Variants in NSD1 observed in about 807,000 individuals in gnomAD.
The protein encoded by NSD1 is nuclear receptor binding SET domain protein 1.
In NSD1, 26 loss-of-function variants were observed where a neutral mutation model predicts 242.7. The observed-to-expected ratio is 0.11, with a 90% CI of 0.08 to 0.15. The LOEUF (loss-of-function observed/expected upper bound fraction) is 0.15. Ranked by LOEUF, NSD1 falls within the 10% of genes least tolerant of loss-of-function variation. NSD1 has a pLI of 1.00. For missense variants in NSD1, 2,495 were observed against 3,272.8 expected (o/e 0.76, Z 5.80); for synonymous variants, 1,106 against 1,178.1 (o/e 0.94, Z 1.25).
chr5:177,295,091 G>C lies in NSD1; in HGVS notation c.7723G>C (p.Gly2575Arg), dbSNP rs1046932951. 1 of 1,611,660 alleles carries C rather than the reference G, an allele frequency of 6.2e-7. No homozygotes were observed. The highest frequency in any genetic ancestry group is 8.5e-7 in the Non-Finnish European group (1 of 1,178,462). The change falls in exon 23 of 23, where the codon GGC becomes CGC. Residue 2575 changes from glycine (G) to arginine (R), a missense_variant. Physicochemically the swap from Gly to Arg is moderately radical, Grantham distance 125 (BLOSUM62 -2). Around this residue, in one of 19 missense-constraint regions of NSD1, gnomAD observed 475 missense variants for 563.7 expected, o/e 0.84. Transcript: ENST00000439151. This position sits in a 1 kb window ranked among gnomAD's most constrained non-coding sequence, Gnocchi z 4.3. ...QTPGPLSQSP[G>R]LVKQAKQMVG... ...CCCAGGGCCTCTTAGCCAATCCCCG[G>C]GCCTGGTGAAGCAGGCGAAGCAGAT...
chr5:177,288,984 G>C, intron 21 of NSD1, 59 bp downstream of exon 21: 8 of 1,113,930 alleles, frequency 7.2e-6, no homozygotes, highest in Non-Finnish European at 1.1e-5. Context: ...CTCCCTAACA[G>C]TGTTAGGGCA....
chr5:177,300,054 CGCG>C lies in NSD1; in HGVS notation c.*4596_*4598del. The C allele has an allele frequency of 1.3e-5, 2 of 149,998 alleles. No homozygotes were observed. Among genetic ancestry groups the C allele is most frequent in the Middle Eastern group, 1.7e-3 (1 of 600 alleles). The allele number at this position is 149,998 out of a possible 1,614,324, so 9.3% of individuals were successfully genotyped here. A position where few individuals can be genotyped will look rare whatever the true frequency, so the allele number is the denominator to read the frequency against. ...CCAAGGTCCATCATTGCTTTTTTGC[CGCG>C]CCCCCCCCCCCCCGCCCCCATAGAT... is the stretch of plus-strand genomic sequence containing the variant. On this transcript the variant is annotated 3_prime_UTR_variant, in exon 23 of 23. Coordinates refer to ENST00000439151, the MANE Select transcript of NSD1 (RefSeq NM_022455.5).
In NSD1 at chr5:177,295,753, CT is replaced by C. The variant is rs1012374195; in HGVS notation, c.*295del. 1.9e-6 allele frequency: 1 copy of C among 519,696 alleles called. No individual in the cohort carries two copies. The highest frequency in any genetic ancestry group is 1.9e-5 in the African/African-American group (1 of 52,534). 32.2% of individuals were successfully genotyped at this position (519,696 alleles called of 1,614,324 possible). On this transcript the variant is annotated 3_prime_UTR_variant, in exon 23 of 23. Coordinates refer to ENST00000439151, the MANE Select transcript of NSD1 (RefSeq NM_022455.5). This position sits in a 1 kb window ranked among gnomAD's most constrained non-coding sequence, Gnocchi z 4.3. ...GTCATCGTGAAATAAAAAGTCCACT[CT>C]GGAGTCAAGTATGGAATTCAATTCC... is the stretch of plus-strand genomic sequence containing the variant.
At chr5:177,182,607 C>T (rs1035716090) in intron 2 of NSD1, among the ~76,000 whole-genome samples, 22 of 151,038 alleles carry the variant, frequency 1.5e-4, no homozygotes, top group African/African-American at 5.1e-4. Context: ...CCCCTCCCTT[C>T]CCCTCCCCTC....
At chr5:177,148,316 C>T (rs143799488) in intron 2 of NSD1, among the ~76,000 whole-genome samples, 3,872 of 152,260 alleles carry the variant, frequency 0.025, 50 homozygotes, top group African/African-American at 0.029. Context: ...TGGGGTTTCA[C>T]TGTGTTTGCC....
intron 10 of NSD1, 101 bp from the exon 11 acceptor site, chr5:177,248,080 G>A (rs990841961): frequency 6.4e-7 from 1 of 1,563,224 alleles, no homozygotes. Context: ...CTGAACATCT[G>A]TAAGTGCTTA....
intron 5 of NSD1, among the ~76,000 whole-genome samples, chr5:177,217,393 T>C (rs1328571925): frequency 2.6e-5 from 4 of 152,140 alleles, no homozygotes; most frequent in Admixed American, 6.6e-5. Flanking sequence ...GTGGAATCTT[T>C]AGGGTTTCCT....
chr5:177,181,426 G>GTTTTTTTTTTTTTTTTTTTTTTTT (rs1554183364), intron 2 of NSD1, among the ~76,000 whole-genome samples: 1 of 119,776 alleles, frequency 8.3e-6, no homozygotes. Context: ...GTTTTTTTTT[G>GTTTTTTTTTTTTTTTTTTTTTTTT]GTTTTTTTTT....
intron 2 of NSD1, among the ~76,000 whole-genome samples, chr5:177,157,244 T>C (rs1365049599): frequency 1.3e-5 from 2 of 151,904 alleles, no homozygotes; most frequent in African/African-American, 4.8e-5. Flanking sequence ...CGCATGGCTG[T>C]AATCCCAGCT....
chr5:177,289,600 CT>C (rs1250207314), intron 21 of NSD1, among the ~76,000 whole-genome samples: 2 of 152,110 alleles, frequency 1.3e-5, no homozygotes. Flanking sequence ...CTTTCTCTCA[CT>C]TTCTCTTTCT....
intron 21 of NSD1, 137 bp downstream of exon 21, chr5:177,289,062 G>A (rs200251235): frequency 1.4e-6 from 1 of 713,844 alleles, no homozygotes; most frequent in South Asian, 1.5e-5. Context: ...GCTCATGCCT[G>A]TAATCCCAGC....
In NSD1 at chr5:177,210,237, T is replaced by C. The variant is rs1763226301; in HGVS notation, c.1838T>C (p.Leu613Pro). Residue 613 changes from leucine to proline, a missense_variant, in exon 5 of 23, where the codon CTG (leucine) becomes CCG (proline). This residue lies in a region of NSD1 where 515 missense variants were observed against 467.0 expected (regional missense o/e 1.10). Coordinates refer to ENST00000439151, the MANE Select transcript of NSD1 (RefSeq NM_022455.5). ...SREKNKPQRS[L>P]VCGSKVKLCY... ...GAGAAGAATAAACCCCAACGAAGCC[T>C]GGTGTGTGGTTCAAAAGTGAAGCTC... The C allele has an allele frequency of 2.5e-6, 4 of 1,597,004 alleles. No homozygotes were observed. Among genetic ancestry groups the C allele is most frequent in the African/African-American group, 1.4e-5 (1 of 74,018 alleles).
At chr5:177,192,845 C>T (rs1046424403) in intron 3 of NSD1, among the ~76,000 whole-genome samples, 2 of 152,096 alleles carry the variant, frequency 1.3e-5, no homozygotes, top group South Asian at 4.1e-4. Flanking sequence ...TAAACATTCT[C>T]AATTATTCTG....
intron 14 of NSD1, among the ~76,000 whole-genome samples, chr5:177,263,756 T>C (rs1047735114): frequency 2.0e-5 from 3 of 152,192 alleles, no homozygotes; most frequent in East Asian, 3.8e-4. Flanking sequence ...TGATAAACTA[T>C]GGTTATTCAT....
chr5:177,216,796 A>G (rs1763810603), intron 5 of NSD1, among the ~76,000 whole-genome samples: 1 of 151,408 alleles, frequency 6.6e-6, no homozygotes, highest in Non-Finnish European at 1.5e-5. Flanking sequence ...AGCGGGGATT[A>G]CAGGTGTGAG....
At chr5:177,198,158 TG>T (rs1762245162) in intron 3 of NSD1, among the ~76,000 whole-genome samples, 1 of 152,114 alleles carries the variant, frequency 6.6e-6, no homozygotes. Flanking sequence ...CCTCAGTAGC[TG>T]GGACTACAGG....
intron 9 of NSD1, 84 bp downstream of exon 9, chr5:177,244,354 T>G: frequency 1.0e-6 from 1 of 984,738 alleles, no homozygotes; most frequent in Non-Finnish European, 1.6e-6. Flanking sequence ...TTGTTACATG[T>G]GTAAGCCCGA....
At chr5:177,185,754 AT>A (rs1317390325) in intron 2 of NSD1, among the ~76,000 whole-genome samples, 1 of 90,832 alleles carries the variant, frequency 1.1e-5, no homozygotes, top group East Asian at 3.3e-4. Context: ...ATTATATATA[AT>A]ATATTTTATA....
chr5:177,173,256 C>T (rs1340580559), intron 2 of NSD1, among the ~76,000 whole-genome samples: 3 of 140,236 alleles, frequency 2.1e-5, no homozygotes, highest in Non-Finnish European at 3.0e-5. Context: ...AGCGCCACTG[C>T]ACTCCAGCCT....
Sources: allele counts gnomAD v4.1 joint callset (sites outside exome capture counted in the v4.1 genomes callset), GRCh38; gene constraint gnomAD v4.1.1; regional missense constraint gnomAD v4.1.1; non-coding constraint Gnocchi (gnomAD v3.1); transcripts MANE v1.5; gene names NCBI Gene and HGNC (gene_info 2026-07-23, HGNC 2026-07-21).